Variants in GOLGA4 observed in about 807,000 individuals in gnomAD.
GOLGA4 encodes golgin A4.
Under a neutral mutation model 265.9 loss-of-function variants are expected in GOLGA4, and 169 were observed. The observed-to-expected ratio is 0.64, with a 90% CI of 0.56 to 0.72. The LOEUF is 0.72. Among genes scored for constraint, GOLGA4 ranks in the 30% least tolerant of loss-of-function variants. The pLI, the probability that GOLGA4 is intolerant of heterozygous loss-of-function variation, is 0.00. For missense variants in GOLGA4, 2,482 were observed against 2,483.4 expected (o/e 1.00, Z 0.01); for synonymous variants, 923 against 855.8 (o/e 1.08, Z -1.37).
At position 37,366,807 on chromosome 3, in the gene GOLGA4, C is replaced by T. The variant is rs1003276011; in HGVS notation, c.*761C>T. 1.3e-5 allele frequency: 2 copies of T among 152,202 alleles called. No homozygotes were observed. The highest frequency in any genetic ancestry group is 2.9e-5 in the Non-Finnish European group (2 of 68,014). 9.4% of individuals were successfully genotyped at this position (152,202 alleles called of 1,614,324 possible). On this transcript the variant is annotated 3_prime_UTR_variant, in exon 24 of 24. Coordinates refer to ENST00000361924, the MANE Select transcript of GOLGA4 (RefSeq NM_002078.5). ...ATCTATTTTAAAATGTTTAAGAATG[C>T]ATATTCTATTTGGATGAATTTAGTG...
intron 6 of GOLGA4, 98 bp from the exon 7 acceptor site, chr3:37,295,987 CAG>C (rs2150840842): frequency 2.8e-6 from 3 of 1,057,062 alleles, no homozygotes; most frequent in South Asian, 1.4e-5. Context: ...TTGGTATTAA[CAG>C]GGAATCCTGG....
intron 1 of GOLGA4, chr3:37,250,069 A>G (rs1329928137): frequency 6.6e-6 from 1 of 152,244 alleles, no homozygotes; most frequent in African/African-American, 2.4e-5. Flanking sequence ...TTGGGTTAGT[A>G]AGTTTTCTGA....
intron 2 of GOLGA4, among the ~76,000 whole-genome samples, chr3:37,276,818 T>G (rs572841290): frequency 6.6e-6 from 1 of 152,324 alleles, no homozygotes; most frequent in South Asian, 2.1e-4. Flanking sequence ...TCAAAACATA[T>G]TTTTTCTGTT....
At chr3:37,253,987 G>T (rs1431705622) in intron 2 of GOLGA4, among the ~76,000 whole-genome samples, 1 of 149,460 alleles carries the variant, frequency 6.7e-6, no homozygotes, top group Non-Finnish European at 1.5e-5. Context: ...CTGCACTCTA[G>T]CCTGGGCGAC....
chr3:37,330,544 C>T (rs1394051371), intron 16 of GOLGA4, among the ~76,000 whole-genome samples: 2 of 152,044 alleles, frequency 1.3e-5, no homozygotes, highest in African/African-American at 4.8e-5. Flanking sequence ...GACAGGTTAC[C>T]GTATACCCTT....
At chr3:37,285,468 C>G (rs543953817) in intron 3 of GOLGA4, among the ~76,000 whole-genome samples, 17 of 152,222 alleles carry the variant, frequency 1.1e-4, no homozygotes, top group Non-Finnish European at 2.5e-4. Context: ...GTTCTTTGCT[C>G]AGATTTTTGC....
intron 2 of GOLGA4, among the ~76,000 whole-genome samples, chr3:37,269,457 T>C (rs950962949): frequency 1.3e-4 from 19 of 151,952 alleles, no homozygotes; most frequent in Admixed American, 6.6e-4. Context: ...GAGAAGAAAA[T>C]GTAGGGCTCT....
intron 10 of GOLGA4, among the ~76,000 whole-genome samples, chr3:37,308,791 A>G (rs1157833479): frequency 6.6e-6 from 1 of 151,474 alleles, no homozygotes. Flanking sequence ...AATTTTTTGT[A>G]TTTTTAGTAG....
chr3:37,299,897 A>G (rs2096888339), intron 9 of GOLGA4, among the ~76,000 whole-genome samples: 1 of 151,950 alleles, frequency 6.6e-6, no homozygotes, highest in African/African-American at 2.4e-5. Context: ...AAAAAAAAAA[A>G]AAAATTAGCT....
At chr3:37,297,496 G>C (rs1379121349) in intron 7 of GOLGA4, among the ~76,000 whole-genome samples, 1 of 152,170 alleles carries the variant, frequency 6.6e-6, no homozygotes, top group East Asian at 1.9e-4. Flanking sequence ...ACATAATTTT[G>C]AATAACAAAA....
At chr3:37,281,092 C>A (rs1365023615) in intron 2 of GOLGA4, among the ~76,000 whole-genome samples, 2 of 152,152 alleles carry the variant, frequency 1.3e-5, no homozygotes, top group African/African-American at 4.8e-5. Flanking sequence ...TAGGAGACAT[C>A]AGTAAATATT....
intron 10 of GOLGA4, among the ~76,000 whole-genome samples, chr3:37,303,404 T>C (rs1435421595): frequency 6.6e-6 from 1 of 152,242 alleles, no homozygotes; most frequent in African/African-American, 2.4e-5. Flanking sequence ...ATTTGGTATC[T>C]GATCAACTCA....
intron 22 of GOLGA4, among the ~76,000 whole-genome samples, chr3:37,360,244 C>G (rs767590460): frequency 6.6e-6 from 1 of 152,018 alleles, no homozygotes; most frequent in African/African-American, 2.4e-5. Context: ...TTTTCAATGG[C>G]TGATTGTATG....
rs201354584 is a variant in GOLGA4 at position 37,251,397 on chromosome 3, G to A, written c.75G>A (p.Ala25=). The part of the protein sequence containing the change: ...QLQQALAPAQ[A]SSNSSTPTRM... ...TGTGCAATAATTTTTAAATCTAGGC[G>A]TCCTCCAATTCTTCAACACCAACAA... The change falls in exon 2 of 24, where the codon GCG becomes GCA. Residue 25 remains alanine, a splice_region_variant and synonymous_variant. Coordinates refer to ENST00000361924, the MANE Select transcript of GOLGA4 (RefSeq NM_002078.5). 31 of 1,604,322 alleles carry A rather than the reference G, an allele frequency of 1.9e-5. No homozygotes were observed. Among genetic ancestry groups the A allele is most frequent in the East Asian group, 6.7e-5 (3 of 44,840 alleles).
At chr3:37,342,071 G>A (rs999899680) in intron 20 of GOLGA4, among the ~76,000 whole-genome samples, 2 of 152,052 alleles carry the variant, frequency 1.3e-5, no homozygotes, top group Non-Finnish European at 2.9e-5. Context: ...GGCCGGGTGG[G>A]GTGGCTCATG....
intron 17 of GOLGA4, among the ~76,000 whole-genome samples, chr3:37,335,748 CTTTT>C (rs75959188): frequency 3.1e-4 from 42 of 136,418 alleles, no homozygotes; most frequent in Non-Finnish European, 4.8e-4. Context: ...AAGATCTAAG[CTTTT>C]TTTTTTTTTT....
At chr3:37,246,913 A>C (rs989212699) in intron 1 of GOLGA4, among the ~76,000 whole-genome samples, 1 of 152,206 alleles carries the variant, frequency 6.6e-6, no homozygotes, top group Non-Finnish European at 1.5e-5. Flanking sequence ...TATGTGATAT[A>C]AATTTAAAAA....
chr3:37,268,450 TAAAAA>T (rs542814052), intron 2 of GOLGA4, among the ~76,000 whole-genome samples: 2 of 148,596 alleles, frequency 1.3e-5, no homozygotes, highest in Non-Finnish European at 3.0e-5. Flanking sequence ...TAGAAGCTAT[TAAAAA>T]AAAAACCGTA....
intron 5 of GOLGA4, among the ~76,000 whole-genome samples, chr3:37,292,854 A>G (rs899132404): frequency 3.3e-5 from 5 of 152,324 alleles, no homozygotes; most frequent in South Asian, 2.1e-4. Flanking sequence ...CATGACCAGC[A>G]TTTGGAGACC....
Sources: allele counts gnomAD v4.1 joint callset (sites outside exome capture counted in the v4.1 genomes callset), GRCh38; gene constraint gnomAD v4.1.1; transcripts MANE v1.5; gene names NCBI Gene and HGNC (gene_info 2026-07-23, HGNC 2026-07-21).